Variants in TRIO observed in about 807,000 individuals in gnomAD.
TRIO encodes trio Rho guanine nucleotide exchange factor.
In TRIO, 58 loss-of-function variants were observed where a neutral mutation model predicts 351.9. That is an observed-to-expected ratio of 0.16 (90% CI 0.13 to 0.21). The LOEUF is 0.21. Ranked by LOEUF, TRIO falls within the 10% of genes least tolerant of loss-of-function variation. The probability of loss-of-function intolerance (pLI) is 1.00; values close to 1 mark genes in which losing one functional copy is unlikely to be tolerated. For synonymous variants in TRIO, 1,758 were observed against 1,595.7 expected (o/e 1.10, Z -2.42); for missense variants, 3,201 against 4,027.8 (o/e 0.79, Z 5.56).
At chr5:14,435,878 C>A (rs1751541663) in intron 34 of TRIO, among the ~76,000 whole-genome samples, 1 of 152,196 alleles carries the variant, frequency 6.6e-6, no homozygotes, top group South Asian at 2.1e-4. Context: ...CTGCCACAGT[C>A]CTGGAGTCAG....
chr5:14,270,742 G>A, intron 1 of TRIO, 83 bp from the exon 2 acceptor site: 4 of 1,009,200 alleles, frequency 4.0e-6, no homozygotes, highest in Non-Finnish European at 6.2e-6. Flanking sequence ...TAAAGCTGCT[G>A]TGTTGGCATT....
At chr5:14,489,768 C>T (rs993670850) in intron 48 of TRIO, among the ~76,000 whole-genome samples, 6 of 152,220 alleles carry the variant, frequency 3.9e-5, no homozygotes, top group African/African-American at 1.4e-4. Flanking sequence ...AATGCTGTCT[C>T]TGAGGCCAAG....
Position 14,315,714 on chromosome 5 carries a change from A to G in TRIO, c.1501-799A>G, listed in dbSNP as rs1461087354. ...CTGATTGTCACTTTTTTTCCCCCCA[A>G]TAACATCTGGCGTAATTAATTACTC... is the stretch of plus-strand genomic sequence containing the variant. On this transcript the variant is annotated intron_variant, in intron 8 of 56. Transcript: ENST00000344204. Among the ~76,000 whole-genome samples the G allele has an allele frequency of 3.9e-5, 6 of 152,118 alleles. No homozygotes were observed. The South Asian group carries it at 6.2e-4, about 16-fold the overall frequency.
At chr5:14,506,135 C>T (rs994969001) in intron 55 of TRIO, among the ~76,000 whole-genome samples, 1 of 152,214 alleles carries the variant, frequency 6.6e-6, no homozygotes, top group Non-Finnish European at 1.5e-5. Context: ...CCAATGGCCA[C>T]TGCTCACCTT....
At chr5:14,264,628 G>A (rs1795551103) in intron 1 of TRIO, among the ~76,000 whole-genome samples, 1 of 151,888 alleles carries the variant, frequency 6.6e-6, no homozygotes, top group African/African-American at 2.4e-5. Flanking sequence ...CCTTTAACAT[G>A]TTCATTAGGG....
chr5:14,465,106 C>G (rs1754150043), intron 36 of TRIO, among the ~76,000 whole-genome samples: 1 of 152,076 alleles, frequency 6.6e-6, no homozygotes, highest in African/African-American at 2.4e-5. Context: ...AAAGCCATTT[C>G]TTAGTACCTG....
In TRIO at chr5:14,378,147, C is replaced by G. The variant is rs1482162933; in HGVS notation, c.3447+20C>G. 2 of 1,566,242 alleles carry G rather than the reference C, an allele frequency of 1.3e-6. No individual in the cohort carries two copies. The highest frequency in any genetic ancestry group is 2.7e-5 in the African/African-American group (2 of 74,184). ...AAGCAGGTCAGTGCACACCTGGTGC[C>G]CAGCCTCCCCCTAAACTCCCGTGCT... On this transcript the variant is annotated intron_variant, in intron 20 of 56. Transcript: ENST00000344204.
At chr5:14,156,513 A>G (rs143658647) in intron 1 of TRIO, among the ~76,000 whole-genome samples, 1 of 152,170 alleles carries the variant, frequency 6.6e-6, no homozygotes, top group South Asian at 2.1e-4. Flanking sequence ...GATAAAAACC[A>G]TATGTTTAGA....
At chr5:14,312,751 A>G (rs553820575) in intron 8 of TRIO, among the ~76,000 whole-genome samples, 2 of 152,334 alleles carry the variant, frequency 1.3e-5, no homozygotes, top group African/African-American at 4.8e-5. Context: ...ATAAACTTAC[A>G]TTACTTGTTT....
chr5:14,225,189 G>A (rs1792913915), intron 1 of TRIO, among the ~76,000 whole-genome samples: 1 of 152,150 alleles, frequency 6.6e-6, no homozygotes, highest in South Asian at 2.1e-4. Flanking sequence ...TTAATTGTCT[G>A]TTTTATGGAT....
rs529528380 is a variant in TRIO at position 14,199,713 on chromosome 5, A to G, written c.157+55831A>G. Among the ~76,000 whole-genome samples, 41 of 152,074 alleles carry G rather than the reference A, an allele frequency of 2.7e-4. No homozygotes were observed. The South Asian group carries it at 3.9e-3, about 15-fold the overall frequency. The stretch of plus-strand genomic sequence containing the variant: ...CCTTTTATCCTAAAGTAGGGGATTT[A>G]TAGGATGATGGCATTTACTACCAAA... On this transcript the variant is annotated intron_variant, in intron 1 of 56. Transcript: ENST00000344204.
chr5:14,487,716 C>G lies in TRIO; in HGVS notation c.7088C>G (p.Ala2363Gly). ...VSSAASSQAE[A>G]DKMSGTSTPG... ...TCTGCAGCCTCGAGCCAGGCAGAGG[C>G]AGACAAGATGTCAGGTACGTCCACC... The change falls in exon 48 of 57, where the codon GCA becomes GGA. Residue 2363 changes from alanine (A) to glycine (G), a missense_variant. Ala to Gly is a moderately conservative substitution (Grantham distance 60). Around this residue, in one of 19 missense-constraint regions of TRIO, gnomAD observed 1,089 missense variants for 954.9 expected, o/e 1.14. Coordinates refer to ENST00000344204, the MANE Select transcript of TRIO (RefSeq NM_007118.4). 1 of 1,442,324 alleles carries G rather than the reference C, an allele frequency of 6.9e-7. No homozygotes were observed. Among genetic ancestry groups the G allele is most frequent in the Non-Finnish European group, 9.2e-7 (1 of 1,088,348 alleles). The allele number at this position is 1,442,324 out of a possible 1,614,324, so 89.3% of individuals were successfully genotyped here. A position where few individuals can be genotyped will look rare whatever the true frequency, so the allele number is the denominator to read the frequency against.
At chr5:14,306,867 T>C (rs905668160) in intron 8 of TRIO, among the ~76,000 whole-genome samples, 6 of 152,192 alleles carry the variant, frequency 3.9e-5, no homozygotes, top group Non-Finnish European at 8.8e-5. Flanking sequence ...CAGGAACTTA[T>C]GTTTACCTGT....
chr5:14,505,735 A>C (rs1002343815), intron 55 of TRIO, among the ~76,000 whole-genome samples: 1 of 152,112 alleles, frequency 6.6e-6, no homozygotes, highest in Non-Finnish European at 1.5e-5. Flanking sequence ...CCCATGTGCC[A>C]TGGGTGACAG....
intron 1 of TRIO, among the ~76,000 whole-genome samples, chr5:14,217,723 C>T (rs1310411133): frequency 6.6e-6 from 1 of 152,154 alleles, no homozygotes; most frequent in African/African-American, 2.4e-5. Context: ...GCACTTGCTG[C>T]AGCCCTGTGT....
chr5:14,354,635 C>T (rs1375430507), intron 11 of TRIO, among the ~76,000 whole-genome samples: 9 of 152,222 alleles, frequency 5.9e-5, no homozygotes, highest in Non-Finnish European at 8.8e-5. Flanking sequence ...TTCTGAGGAC[C>T]TTTTTCAGAT....
At chr5:14,406,081 C>G (rs1181678471) in intron 32 of TRIO, 91 bp downstream of exon 32, 2 of 1,513,296 alleles carry the variant, frequency 1.3e-6, no homozygotes, top group Non-Finnish European at 1.8e-6. Context: ...TCCTTTCTCT[C>G]AAACATTTTG....
chr5:14,502,614 G>A lies in TRIO; in HGVS notation c.8368G>A (p.Asp2790Asn). 6.2e-7 allele frequency: 1 copy of A among 1,614,210 alleles called. No homozygotes were observed. Among genetic ancestry groups the A allele is most frequent in the African/African-American group, 1.3e-5 (1 of 75,062 alleles). ...GGATGGGATCATGGTGACCTGGAAA[G>A]ACAACTTTGACTCCTTCTACAGTGA... ...GMDGIMVTWK[D>N]NFDSFYSEVA... The change falls in exon 54 of 57, where the codon GAC (aspartate) becomes AAC (asparagine). Residue 2790 changes from aspartate to asparagine, a missense_variant. Physicochemically the swap from Asp to Asn is conservative, Grantham distance 23. Coordinates refer to ENST00000344204, the MANE Select transcript of TRIO (RefSeq NM_007118.4).
chr5:14,486,568 G>C (rs1755927691), intron 47 of TRIO, among the ~76,000 whole-genome samples: 1 of 152,290 alleles, frequency 6.6e-6, no homozygotes, highest in Non-Finnish European at 1.5e-5. Context: ...CCATAGCTTG[G>C]AATTGAGAAT....
Sources: allele counts gnomAD v4.1 joint callset (sites outside exome capture counted in the v4.1 genomes callset), GRCh38; gene constraint gnomAD v4.1.1; regional missense constraint gnomAD v4.1.1; transcripts MANE v1.5; gene names NCBI Gene and HGNC (gene_info 2026-07-23, HGNC 2026-07-21).